Variants in CORO1C observed in about 807,000 individuals in gnomAD.
CORO1C encodes coronin 1C, also known as coronin-1C.
A neutral mutation model predicts 51.2 loss-of-function variants in CORO1C; 14 were observed. That is an observed-to-expected ratio of 0.27 (90% confidence interval 0.18 to 0.43). The LOEUF (loss-of-function observed/expected upper bound fraction) is 0.43, where lower values mean the gene tolerates loss of function less well. Among genes scored for constraint, CORO1C ranks in the 20% least tolerant of loss-of-function variants. The pLI, the probability that CORO1C is intolerant of heterozygous loss-of-function variation, is 1.00. For synonymous variants in CORO1C, 181 were observed against 210.5 expected (o/e 0.86, Z 1.21); for missense variants, 417 against 607.8 (o/e 0.69, Z 3.30).
rs1278144491 is a variant in CORO1C, at chr12:108,652,252, T to C, written c.1001+20A>G. On this transcript the variant is annotated intron_variant, in intron 8 of 10. Transcript: ENST00000261401. ...CACAGTTACACCAACCTAGAATACTTGACAATCTCGATTCTTTACCTGGCA... is the reference window on the plus strand; with the variant it reads ...CACAGTTACACCAACCTAGAATACTCGACAATCTCGATTCTTTACCTGGCA... 4 of 1,610,936 alleles carry C rather than the reference T, an allele frequency of 2.5e-6. No homozygotes were observed. The highest frequency in any genetic ancestry group is 2.2e-5 in the East Asian group (1 of 44,842).
chr12:108,651,821 T>C (rs2032671433), intron 8 of CORO1C, among the ~76,000 whole-genome samples: 1 of 152,226 alleles, frequency 6.6e-6, no homozygotes, highest in Non-Finnish European at 1.5e-5. Flanking sequence ...TAGAATTTCT[T>C]GTAGCTGTAT....
chr12:108,712,260 A>T (rs986225797), intron 1 of CORO1C, among the ~76,000 whole-genome samples: 2 of 152,078 alleles, frequency 1.3e-5, no homozygotes, highest in African/African-American at 4.8e-5. Flanking sequence ...TGACAATGCC[A>T]ACAGTAAAAA....
At chr12:108,698,481 CACTGCA>C (rs1433286223) in intron 2 of CORO1C, among the ~76,000 whole-genome samples, 1 of 152,256 alleles carries the variant, frequency 6.6e-6, no homozygotes, top group Non-Finnish European at 1.5e-5. Context: ...GATCTCAGCT[CACTGCA>C]ACTCCGCCTC....
At chr12:108,654,175 T>G in intron 7 of CORO1C, 131 bp downstream of exon 7, 1 of 645,484 alleles carries the variant, frequency 1.5e-6, no homozygotes, top group Admixed American at 2.6e-5. Flanking sequence ...TTATCTGTCC[T>G]TGGCTTATAA....
rs533423115 is a variant in CORO1C at position 108,721,759 on chromosome 12, T to C, written c.-6+9670A>G. Among the ~76,000 whole-genome samples the C allele has an allele frequency of 2.4e-4, 37 of 152,094 alleles. 1 individual carries two copies. Among genetic ancestry groups the C allele is most frequent in the South Asian group, 1.7e-3 (8 of 4,830 alleles). ...ACTTTTTGATAAGTTTATAAAAGAA[T>C]AGAAAAATAGACAGGACGAGTGCCC... On this transcript the variant is annotated intron_variant, in intron 1 of 10. Coordinates refer to ENST00000261401, the MANE Select transcript of CORO1C (RefSeq NM_014325.4).
intron 6 of CORO1C, 100 bp from the exon 7 acceptor site, chr12:108,654,510 C>T (rs577741690): frequency 6.8e-5 from 42 of 617,400 alleles, no homozygotes; most frequent in Admixed American, 6.3e-4. Context: ...CCCAATTAAG[C>T]GAGCCATTTT....
chr12:108,703,926 G>C (rs1171753051), intron 1 of CORO1C, among the ~76,000 whole-genome samples: 1 of 152,104 alleles, frequency 6.6e-6, no homozygotes, highest in Non-Finnish European at 1.5e-5. Context: ...CCCTCAGTGA[G>C]GTCCACCATT....
chr12:108,670,092 G>A (rs746774876), intron 3 of CORO1C, among the ~76,000 whole-genome samples: 4 of 152,138 alleles, frequency 2.6e-5, no homozygotes, highest in East Asian at 1.9e-4. Context: ...AAGTCCCTCC[G>A]TAAAAAGACA....
chr12:108,658,858 G>A lies in CORO1C; in HGVS notation c.510C>T (p.Asp170=), dbSNP rs768088134. The change falls in exon 5 of 11, where the codon GAC becomes GAT. Residue 170 remains aspartate (D), a synonymous_variant. Transcript: ENST00000261401. This position sits in a 1 kb window ranked among gnomAD's most constrained non-coding sequence, Gnocchi z 4.9. ...VGTGEALINL[D]DMHSDMIYNV... ...TGTAAATCATGTCTGAATGCATATC[G>A]TCCAAGTTTATAAGGGCTTCCCCTG... The A allele has an allele frequency of 6.2e-6, 10 of 1,613,616 alleles. No homozygotes were observed. Among genetic ancestry groups the A allele is most frequent in the East Asian group, 2.2e-5 (1 of 44,896 alleles).
intron 1 of CORO1C, among the ~76,000 whole-genome samples, chr12:108,725,931 G>A (rs993560302): frequency 3.3e-5 from 5 of 152,092 alleles, no homozygotes; most frequent in African/African-American, 1.2e-4. Context: ...TGCCTCCCAG[G>A]TTTCAAGCAA....
intron 1 of CORO1C, among the ~76,000 whole-genome samples, chr12:108,713,520 T>C (rs534235919): frequency 1.3e-5 from 2 of 152,340 alleles, no homozygotes; most frequent in South Asian, 4.1e-4. Flanking sequence ...CAATATCATT[T>C]AGTTTTTAAA....
At chr12:108,726,251 A>AC (rs2035587767) in intron 1 of CORO1C, among the ~76,000 whole-genome samples, 1 of 152,034 alleles carries the variant, frequency 6.6e-6, no homozygotes, top group South Asian at 2.1e-4. Context: ...TCCCATCTCT[A>AC]CTAAAAAATA....
At chr12:108,719,697 C>T (rs965842062) in intron 1 of CORO1C, among the ~76,000 whole-genome samples, 2 of 152,210 alleles carry the variant, frequency 1.3e-5, no homozygotes, top group Admixed American at 6.5e-5. Context: ...GAACATAAGG[C>T]TATTTAATGA....
At chr12:108,679,016 CAGG>C (rs2034017026) in intron 2 of CORO1C, among the ~76,000 whole-genome samples, 1 of 144,140 alleles carries the variant, frequency 6.9e-6, no homozygotes, top group African/African-American at 2.6e-5. Flanking sequence ...GAGGCTGAGG[CAGG>C]AGTATCGCTT....
intron 1 of CORO1C, among the ~76,000 whole-genome samples, chr12:108,704,121 C>T: frequency 6.6e-6 from 1 of 152,136 alleles, no homozygotes; most frequent in East Asian, 1.9e-4. Flanking sequence ...ATGTAAAATG[C>T]TTTGTCTTCA....
In CORO1C at chr12:108,658,793, G is replaced by C; in HGVS notation, c.575C>G (p.Ala192Gly). 1.2e-6 allele frequency: 2 copies of C among 1,613,236 alleles called. No individual in the cohort carries two copies. The highest frequency in any genetic ancestry group is 1.7e-6 in the Non-Finnish European group (2 of 1,179,268). Residue 192 changes from alanine (A) to glycine (G), a missense_variant, in exon 5 of 11, where the codon GCT becomes GGT. By Grantham distance (60) the Ala-to-Gly change is moderately conservative. Transcript: ENST00000261401. The surrounding 1 kb of genome is among the most constrained non-coding windows in gnomAD (Gnocchi z 4.9). ...WNRNGSLICT[A>G]SKDKKVRVID... ...GACTCTCACTTTCTTGTCTTTGGAA[G>C]CTGTGCAGATCAGACTGCCATTCCG...
chr12:108,665,875 C>T (rs1267515364), intron 3 of CORO1C, among the ~76,000 whole-genome samples: 2 of 152,156 alleles, frequency 1.3e-5, no homozygotes, highest in African/African-American at 4.8e-5. Flanking sequence ...CTTTCCAGGA[C>T]TTAATATTGA....
At chr12:108,718,934 A>G (rs1204259807) in intron 1 of CORO1C, among the ~76,000 whole-genome samples, 7 of 152,212 alleles carry the variant, frequency 4.6e-5, no homozygotes, top group Non-Finnish European at 1.0e-4. Flanking sequence ...ATTCAATTTC[A>G]CCAATAAAAT....
At position 108,650,981 on chromosome 12, in the gene CORO1C, C is replaced by T. The variant is rs558178454; in HGVS notation, c.1001+1291G>A. 1.4e-3 allele frequency among the ~76,000 whole-genome samples: 209 copies of T among 152,202 alleles called. 1 individual carries two copies. The highest frequency in any genetic ancestry group is 0.014 in the Middle Eastern group (4 of 294). On this transcript the variant is annotated intron_variant, in intron 8 of 10. Coordinates refer to ENST00000261401, the MANE Select transcript of CORO1C (RefSeq NM_014325.4). ...TTTGTTTGTTTTTGTTTGTTTGAGA[C>T]GGAGTCTCGCTGTGTTGCCCAGGCT...
Sources: gnomAD v4.1 joint callset for allele counts (sites outside exome capture counted in the v4.1 genomes callset) on GRCh38, gnomAD v4.1.1 for gene constraint, Gnocchi (gnomAD v3.1) non-coding constraint, MANE v1.5 for transcripts, NCBI Gene and HGNC (gene_info 2026-07-23, HGNC 2026-07-21) for gene names.